Variants in NALCN observed in about 807,000 individuals in gnomAD.
NALCN encodes sodium leak channel, non-selective.
NALCN carries 111 observed loss-of-function variants against 225.3 expected under a neutral mutation model. The observed-to-expected ratio is 0.49, with a 90% CI of 0.42 to 0.58. NALCN has a LOEUF of 0.58. NALCN is among the 20% of genes least tolerant of loss of function. NALCN has a pLI of 0.00. For missense variants in NALCN, 1,378 were observed against 2,202.4 expected, an observed-to-expected ratio of 0.63 and a Z score of 7.49; for synonymous variants, 764 against 769.0, an observed-to-expected ratio of 0.99 and a Z score of 0.11.
chr13:101,147,356 T>C (rs920764055), intron 15 of NALCN, among the ~76,000 whole-genome samples: 647 of 51,892 alleles, frequency 0.012, no homozygotes, highest in Non-Finnish European at 0.018. Flanking sequence ...CTCTCTCTCT[T>C]TTTTTTTTTT....
chr13:101,386,269 GA>G (rs1227836515), intron 3 of NALCN, among the ~76,000 whole-genome samples: 1 of 152,190 alleles, frequency 6.6e-6, no homozygotes, highest in Non-Finnish European at 1.5e-5. Flanking sequence ...ATTAGTGAAA[GA>G]GAAGTGCCTA....
intron 15 of NALCN, among the ~76,000 whole-genome samples, chr13:101,150,152 CT>C (rs2037568785): frequency 1.3e-5 from 2 of 151,584 alleles, no homozygotes; most frequent in African/African-American, 4.8e-5. Flanking sequence ...AGAGTACATA[CT>C]GTTGTATGTA....
At position 101,065,587 on chromosome 13, in the gene NALCN, C is replaced by G. The variant is rs1316585470; in HGVS notation, c.4447-26G>C. The G allele has an allele frequency of 6.2e-6, 10 of 1,606,776 alleles. No homozygotes were observed. The Admixed American group carries it at 1.7e-4, about 27-fold the overall frequency. ...CTGCGGGGCAGAGCACAAGAAGTAGCAAATCATCAGGCCTCGATGATTCAC... is the reference window on the plus strand; with the variant it reads ...CTGCGGGGCAGAGCACAAGAAGTAGGAAATCATCAGGCCTCGATGATTCAC... On this transcript the variant is annotated intron_variant, in intron 39 of 43. Transcript: ENST00000251127.
chr13:101,250,677 T>C (rs545299957), intron 11 of NALCN, among the ~76,000 whole-genome samples: 7 of 152,026 alleles, frequency 4.6e-5, no homozygotes, highest in African/African-American at 1.2e-4. Context: ...GACTCTGGTA[T>C]AGATAAGACA....
At chr13:101,101,281 C>CTTTTTTTTTTTTTTTTTTTTTTTTT (rs60948311) in intron 26 of NALCN, among the ~76,000 whole-genome samples, 4 of 112,376 alleles carry the variant, frequency 3.6e-5, no homozygotes, top group Non-Finnish European at 5.1e-5. Context: ...ATTTTTTTTT[C>CTTTTTTTTTTTTTTTTTTTTTTTTT]TTTTTTTTTT....
chr13:101,267,249 G>T (rs1322029757), intron 10 of NALCN, among the ~76,000 whole-genome samples: 3 of 152,164 alleles, frequency 2.0e-5, no homozygotes, highest in African/African-American at 7.2e-5. Context: ...ACATGTGGAT[G>T]TTATTTTTTT....
At chr13:101,395,580 A>G (rs1566649235) in intron 2 of NALCN, among the ~76,000 whole-genome samples, 1 of 152,240 alleles carries the variant, frequency 6.6e-6, no homozygotes, top group Non-Finnish European at 1.5e-5. Context: ...TATTTTCCAC[A>G]TAAACACACT....
intron 37 of NALCN, among the ~76,000 whole-genome samples, chr13:101,070,063 G>GTTCTT (rs536866923): frequency 0.012 from 1,182 of 98,266 alleles, 99 homozygotes; most frequent in East Asian, 0.021. Flanking sequence ...AATCATGAAT[G>GTTCTT]TTTTTTTTTT....
chr13:101,223,596 A>G (rs1225992041), intron 13 of NALCN, among the ~76,000 whole-genome samples: 2 of 152,160 alleles, frequency 1.3e-5, no homozygotes, highest in Non-Finnish European at 2.9e-5. Context: ...TGGAAGCTAC[A>G]CATCCCCTAT....
chr13:101,258,190 A>G (rs1485702615), intron 11 of NALCN, among the ~76,000 whole-genome samples: 1 of 152,166 alleles, frequency 6.6e-6, no homozygotes, highest in East Asian at 1.9e-4. Flanking sequence ...AAGATTCTAG[A>G]GTAAGACCCA....
chr13:101,193,713 AT>A (rs1258907625), intron 13 of NALCN, among the ~76,000 whole-genome samples: 11 of 152,104 alleles, frequency 7.2e-5, no homozygotes, highest in African/African-American at 2.7e-4. Context: ...GCTTTTGAGA[AT>A]TTTTCAACAC....
At chr13:101,247,381 C>T (rs902527448) in intron 11 of NALCN, among the ~76,000 whole-genome samples, 1 of 152,140 alleles carries the variant, frequency 6.6e-6, no homozygotes, top group Admixed American at 6.5e-5. Context: ...ACTTAAAAAC[C>T]TGGCTCTGGA....
chr13:101,110,062 G>A (rs1438988016), intron 20 of NALCN, among the ~76,000 whole-genome samples: 1 of 152,078 alleles, frequency 6.6e-6, no homozygotes, highest in Admixed American at 6.6e-5. Context: ...ACTGCTCCTC[G>A]TTCCTTAAAA....
intron 4 of NALCN, 67 bp from the exon 5 acceptor site, chr13:101,377,123 T>TGTTAGCATA (rs2046717234): frequency 6.3e-7 from 1 of 1,595,762 alleles, no homozygotes; most frequent in Non-Finnish European, 8.6e-7. Context: ...TCATGGAACA[T>TGTTAGCATA]ACAGATGTTA....
chr13:101,058,434 CT>C, intron 42 of NALCN: 15 of 161,984 alleles, frequency 9.3e-5, no homozygotes, highest in South Asian at 6.3e-4. Flanking sequence ...GGGCAGTCTA[CT>C]GTCACCAGCC....
chr13:101,183,845 A>T (rs2039342479), intron 14 of NALCN, among the ~76,000 whole-genome samples: 1 of 152,034 alleles, frequency 6.6e-6, no homozygotes, highest in Non-Finnish European at 1.5e-5. Flanking sequence ...GGCTAATGAC[A>T]CCACCTTTCA....
At chr13:101,290,774 C>T (rs749144255) in intron 9 of NALCN, among the ~76,000 whole-genome samples, 10 of 152,266 alleles carry the variant, frequency 6.6e-5, no homozygotes, top group Non-Finnish European at 1.2e-4. Flanking sequence ...TTGTACACCT[C>T]GGCTCCTTGA....
chr13:101,254,299 G>C (rs2042149056), intron 11 of NALCN, among the ~76,000 whole-genome samples: 1 of 144,290 alleles, frequency 6.9e-6, no homozygotes, highest in Admixed American at 7.3e-5. Flanking sequence ...CTGGAACTTG[G>C]GAGGCAGAGG....
intron 34 of NALCN, among the ~76,000 whole-genome samples, chr13:101,081,216 T>G (rs1023095829): frequency 1.3e-5 from 2 of 152,224 alleles, no homozygotes; most frequent in African/African-American, 4.8e-5. Flanking sequence ...AGTCTTCCTC[T>G]CTCTTTCTTG....
Sources: allele counts gnomAD v4.1 joint callset (sites outside exome capture counted in the v4.1 genomes callset), GRCh38; gene constraint gnomAD v4.1.1; transcripts MANE v1.5; gene names NCBI Gene and HGNC (gene_info 2026-07-23, HGNC 2026-07-21).